The following ATP8A1 variants were observed in gnomAD, a reference collection of about 807,000 sequenced individuals.
ATP8A1 encodes the protein phospholipid-transporting ATPase IA.
Under a neutral mutation model 177.7 loss-of-function variants are expected in ATP8A1, and 90 were observed. The ratio of observed to expected loss-of-function variants is 0.51; its 90% CI spans 0.43 to 0.60. The LOEUF is 0.60. Among genes scored for constraint, ATP8A1 ranks in the 20% least tolerant of loss-of-function variants. The pLI, the probability that ATP8A1 is intolerant of heterozygous loss-of-function variation, is 0.00. For synonymous variants in ATP8A1, 493 were observed against 485.9 expected, an observed-to-expected ratio of 1.01 and a Z score of -0.19; for missense variants, 1,072 against 1,392.8, an observed-to-expected ratio of 0.77 and a Z score of 3.67.
chr4:42,618,731 T>C (rs573477389), intron 4 of ATP8A1, among the ~76,000 whole-genome samples: 2 of 152,254 alleles, frequency 1.3e-5, no homozygotes, highest in South Asian at 4.1e-4. Context: ...GTGGATAGAA[T>C]AGGGTATGTA....
chr4:42,512,591 C>G (rs929838841), intron 22 of ATP8A1, among the ~76,000 whole-genome samples: 1 of 152,230 alleles, frequency 6.6e-6, no homozygotes, highest in Non-Finnish European at 1.5e-5. Flanking sequence ...CTGGCTGCCT[C>G]GTTTTCTAAC....
Position 42,616,940 on chromosome 4 carries a change from C to T in ATP8A1, c.364-862G>A, listed in dbSNP as rs185109328. 7.6e-4 allele frequency among the ~76,000 whole-genome samples: 116 copies of T among 152,282 alleles called. 1 individual carries two copies. The highest frequency in any genetic ancestry group is 2.7e-3 in the African/African-American group (112 of 41,552). On this transcript the variant is annotated intron_variant, in intron 4 of 36. Transcript: ENST00000381668. The stretch of plus-strand genomic sequence containing the variant: ...ACAGCATCGAGTGTAACTCATCAGA[C>T]TCCATTAACACTGCAGAAGAGCGGT...
intron 30 of ATP8A1, 131 bp downstream of exon 30, chr4:42,451,850 G>T (rs1179747074): frequency 1.8e-6 from 1 of 549,516 alleles, no homozygotes; most frequent in Non-Finnish European, 3.1e-6. Context: ...CAATTTTTGG[G>T]TGCATGCATT....
chr4:42,618,598 ATT>A (rs1004927086), intron 4 of ATP8A1, among the ~76,000 whole-genome samples: 9 of 152,154 alleles, frequency 5.9e-5, no homozygotes, highest in African/African-American at 2.2e-4. Flanking sequence ...TATCCAAGCC[ATT>A]CTTTCACTCA....
chr4:42,442,507 A>G (rs996889405), intron 33 of ATP8A1, among the ~76,000 whole-genome samples: 1 of 152,186 alleles, frequency 6.6e-6, no homozygotes, highest in East Asian at 1.9e-4. Context: ...AGTTTTCACA[A>G]TATATGTTTC....
intron 33 of ATP8A1, among the ~76,000 whole-genome samples, chr4:42,434,922 C>G (rs955183846): frequency 6.6e-6 from 1 of 152,198 alleles, no homozygotes; most frequent in African/African-American, 2.4e-5. Context: ...CCTGGACTGC[C>G]TGTCTCCCAA....
At position 42,428,601 on chromosome 4, in the gene ATP8A1, C is replaced by A. The variant is rs927755546; in HGVS notation, c.3124-4896G>T. On this transcript the variant is annotated intron_variant, in intron 33 of 36. Coordinates refer to ENST00000381668, the MANE Select transcript of ATP8A1 (RefSeq NM_006095.2). ...GAAATACTCTGCTTCTAGCTGTTCA[C>A]ACTGCAGCCTGAGAGATATTTCCAA... 2.0e-5 allele frequency among the ~76,000 whole-genome samples: 3 copies of A among 152,348 alleles called. No individual in the cohort carries two copies. In the East Asian group the frequency reaches 5.8e-4, roughly 29 times the overall value.
intron 25 of ATP8A1, among the ~76,000 whole-genome samples, chr4:42,476,861 G>A (rs942765308): frequency 1.3e-5 from 2 of 151,992 alleles, no homozygotes; most frequent in Non-Finnish European, 2.9e-5. Flanking sequence ...TATACAAGCA[G>A]GAAAAAAGAG....
chr4:42,480,008 G>GTGTGTGTGTGTT (rs1553883672), intron 25 of ATP8A1, among the ~76,000 whole-genome samples: 7 of 150,080 alleles, frequency 4.7e-5, no homozygotes, highest in South Asian at 2.1e-4. Context: ...GTGTGTGTGT[G>GTGTGTGTGTGTT]TGTGTGTGTG....
Position 42,507,034 on chromosome 4 carries a change from C to G in ATP8A1, c.2068G>C (p.Glu690Gln). 6.2e-7 allele frequency: 1 copy of G among 1,613,732 alleles called. No individual in the cohort carries two copies. The highest frequency in any genetic ancestry group is 8.5e-7 in the Non-Finnish European group (1 of 1,179,888). Residue 690 changes from glutamate (E) to glutamine (Q), a missense_variant, in exon 23 of 37, where the codon GAA becomes CAA. Coordinates refer to ENST00000381668, the MANE Select transcript of ATP8A1 (RefSeq NM_006095.2). Reference sequence around the variant, plus strand: ...GAATTACCGATGTTAATGGCAGTTTCTTGCTTGTCCCCTGTAAGGATCCAG... The same window carrying G: ...GAATTACCGATGTTAATGGCAGTTTGTTGCTTGTCCCCTGTAAGGATCCAG... Reference protein sequence around the residue: ...KIWILTGDKQETAINIGHSCK... With the variant: ...KIWILTGDKQQTAINIGHSCK...
chr4:42,500,685 A>C (rs1723772760), intron 24 of ATP8A1, among the ~76,000 whole-genome samples: 2 of 152,182 alleles, frequency 1.3e-5, no homozygotes. Context: ...ACGACATTCT[A>C]GCCGGGGCTG....
At position 42,527,593 on chromosome 4, in the gene ATP8A1, AC is replaced by A. The variant is rs1200167333; in HGVS notation, c.1723-2747del. ...ATGATGTTGATTCTCTTCTGGACCC[AC>A]CCCCAACACCCCTGTTTGCTTCTAG... is the stretch of plus-strand genomic sequence containing the variant. On this transcript the variant is annotated intron_variant, in intron 20 of 36. Coordinates refer to ENST00000381668, the MANE Select transcript of ATP8A1 (RefSeq NM_006095.2). Among the ~76,000 whole-genome samples, 6 of 151,936 alleles carry A rather than the reference AC, an allele frequency of 3.9e-5. No individual in the cohort carries two copies. In the East Asian group the frequency reaches 1.2e-3, roughly 29 times the overall value.
At position 42,619,057 on chromosome 4, in the gene ATP8A1, G is replaced by GTT. The variant is rs36110616; in HGVS notation, c.364-2981_364-2980dup. On this transcript the variant is annotated intron_variant, in intron 4 of 36. Coordinates refer to ENST00000381668, the MANE Select transcript of ATP8A1 (RefSeq NM_006095.2). ...ATTAATAGCCTAGTGTGATTTTTTT[G>GTT]TTTTTTTTTTGAGATGGAGTCTCAT... is the stretch of plus-strand genomic sequence containing the variant. 2.3e-4 allele frequency among the ~76,000 whole-genome samples: 34 copies of GTT among 148,380 alleles called. No homozygotes were observed. The South Asian group carries it at 3.4e-3, about 15-fold the overall frequency.
chr4:42,525,653 G>A (rs192661905), intron 20 of ATP8A1, among the ~76,000 whole-genome samples: 24 of 152,164 alleles, frequency 1.6e-4, no homozygotes, highest in African/African-American at 5.5e-4. Flanking sequence ...TATTCATTTA[G>A]TTATTATGCA....
chr4:42,639,209 AG>A (rs1739690345), intron 1 of ATP8A1, among the ~76,000 whole-genome samples: 1 of 152,194 alleles, frequency 6.6e-6, no homozygotes, highest in African/African-American at 2.4e-5. Flanking sequence ...TACTTGAACA[AG>A]CACAAGATTA....
intron 25 of ATP8A1, among the ~76,000 whole-genome samples, chr4:42,467,429 C>T (rs1416957274): frequency 6.6e-6 from 1 of 152,184 alleles, no homozygotes. Context: ...CGTAGTGGCT[C>T]ATGCCTGTAA....
At chr4:42,542,516 C>T (rs1445087059) in intron 20 of ATP8A1, among the ~76,000 whole-genome samples, 1 of 152,112 alleles carries the variant, frequency 6.6e-6, no homozygotes, top group Non-Finnish European at 1.5e-5. Context: ...CATAGGTATA[C>T]ATGTGCCATG....
At chr4:42,587,674 T>C (rs557944108) in intron 8 of ATP8A1, among the ~76,000 whole-genome samples, 180 of 151,448 alleles carry the variant, frequency 1.2e-3, no homozygotes, top group African/African-American at 4.1e-3. Flanking sequence ...TGGCGCATTC[T>C]TGGCTCACTG....
intron 25 of ATP8A1, among the ~76,000 whole-genome samples, chr4:42,474,322 T>C (rs1035406702): frequency 1.3e-5 from 2 of 152,194 alleles, no homozygotes; most frequent in African/African-American, 4.8e-5. Context: ...CATTGTTCCC[T>C]GCCCATGGCA....
Sources: allele counts gnomAD v4.1 joint callset (sites outside exome capture counted in the v4.1 genomes callset), GRCh38; gene constraint gnomAD v4.1.1; transcripts MANE v1.5; gene names NCBI Gene and HGNC (gene_info 2026-07-23, HGNC 2026-07-21).